Variants in TNPO3 observed in about 807,000 individuals in gnomAD.
TNPO3 encodes the protein transportin-3.
In TNPO3, 65 loss-of-function variants were observed where a neutral mutation model predicts 122.8. The observed-to-expected ratio is 0.53, with a 90% CI of 0.43 to 0.65. The LOEUF is 0.65. TNPO3 is among the 30% of genes least tolerant of loss of function. TNPO3 has a pLI of 0.00. For missense variants in TNPO3, 850 were observed against 1,136.7 expected (o/e 0.75, Z 3.63); for synonymous variants, 372 against 411.2 (o/e 0.90, Z 1.15).
intron 21 of TNPO3, among the ~76,000 whole-genome samples, chr7:128,958,179 T>C (rs1410625081): frequency 1.5e-5 from 2 of 133,332 alleles, no homozygotes; most frequent in East Asian, 2.3e-4. Context: ...GTCTTGCTCA[T>C]GTCATCCAGG....
intron 21 of TNPO3, among the ~76,000 whole-genome samples, chr7:128,961,864 T>C (rs1797490304): frequency 6.6e-6 from 1 of 152,188 alleles, no homozygotes; most frequent in Non-Finnish European, 1.5e-5. Flanking sequence ...ATGCTTCCCA[T>C]GTTCAACACC....
At chr7:128,965,654 T>TAGCAGGCTTACTCACAAC (rs1397933443) in intron 21 of TNPO3, among the ~76,000 whole-genome samples, 1 of 152,228 alleles carries the variant, frequency 6.6e-6, no homozygotes, top group African/African-American at 2.4e-5. Context: ...CCTGTGTTTA[T>TAGCAGGCTTACTCACAAC]AGCAGCCTTA....
At chr7:128,979,289 C>G (rs1458395881) in intron 15 of TNPO3, among the ~76,000 whole-genome samples, 166 bp from the exon 16 acceptor site, 1 of 152,242 alleles carries the variant, frequency 6.6e-6, no homozygotes, top group East Asian at 1.9e-4. Context: ...CTACCCACCA[C>G]AAAACCCTAT....
At chr7:129,034,914 A>C (rs1806425073) in intron 1 of TNPO3, among the ~76,000 whole-genome samples, 1 of 150,012 alleles carries the variant, frequency 6.7e-6, no homozygotes, top group African/African-American at 2.4e-5. Flanking sequence ...AAAAAAAAAA[A>C]GACCTGCCAG....
At chr7:129,040,788 A>G (rs745940219) in intron 1 of TNPO3, among the ~76,000 whole-genome samples, 4 of 152,172 alleles carry the variant, frequency 2.6e-5, no homozygotes, top group Admixed American at 6.5e-5. Context: ...ATCAAGTAGA[A>G]GCAAAAGGAA....
At chr7:128,970,813 G>C (rs1480619327) in intron 19 of TNPO3, 2 of 153,280 alleles carry the variant, frequency 1.3e-5, no homozygotes. Flanking sequence ...CAGTGTTCTG[G>C]GCTAGAGCAT....
chr7:129,015,285 C>T, intron 3 of TNPO3, 150 bp from the exon 4 acceptor site: 2 of 727,838 alleles, frequency 2.7e-6, no homozygotes, highest in Non-Finnish European at 4.4e-6. Flanking sequence ...TAAATGTCCT[C>T]CATAATTAGT....
intron 19 of TNPO3, 75 bp downstream of exon 19, chr7:128,972,351 G>A: frequency 6.7e-7 from 1 of 1,490,840 alleles, no homozygotes; most frequent in South Asian, 1.3e-5. Flanking sequence ...TGGGATGCTG[G>A]TTTTCTCCTA....
intron 1 of TNPO3, among the ~76,000 whole-genome samples, chr7:129,039,412 T>A (rs1807094919): frequency 1.3e-5 from 2 of 151,798 alleles, no homozygotes; most frequent in African/African-American, 4.8e-5. Context: ...AAATACAAAT[T>A]AGCTGGGCAT....
At chr7:128,978,950 TG>T in intron 16 of TNPO3, 32 bp downstream of exon 16, 1 of 1,611,458 alleles carries the variant, frequency 6.2e-7, no homozygotes, top group Non-Finnish European at 8.5e-7. Flanking sequence ...ATTCTGTACA[TG>T]GAACACGTCC....
intron 7 of TNPO3, 100 bp downstream of exon 7, chr7:129,000,329 A>C: frequency 7.8e-7 from 1 of 1,282,940 alleles, no homozygotes; most frequent in Non-Finnish European, 1.1e-6. Flanking sequence ...CAAGACTGTA[A>C]TTTCTCAACA....
At chr7:129,014,831 G>T in intron 4 of TNPO3, 148 bp downstream of exon 4, 1 of 670,972 alleles carries the variant, frequency 1.5e-6, no homozygotes, top group Non-Finnish European at 2.3e-6. Flanking sequence ...CTGAAAGTAT[G>T]TTGTCATGGT....
At chr7:129,051,146 A>T (rs1017852796) in intron 1 of TNPO3, among the ~76,000 whole-genome samples, 1 of 27,012 alleles carries the variant, frequency 3.7e-5, no homozygotes, top group South Asian at 2.8e-3. Flanking sequence ...ACAAAATGTT[A>T]AAAAAAAAAA....
At chr7:129,049,850 T>C (rs145303399) in intron 1 of TNPO3, among the ~76,000 whole-genome samples, 1 of 152,134 alleles carries the variant, frequency 6.6e-6, no homozygotes, top group African/African-American at 2.4e-5. Context: ...GGACAAACTA[T>C]TCATGTTGCA....
chr7:129,012,745 CT>C, intron 4 of TNPO3, among the ~76,000 whole-genome samples: 1 of 152,258 alleles, frequency 6.6e-6, no homozygotes, highest in Middle Eastern at 3.4e-3. Flanking sequence ...TTAGCATCTA[CT>C]TTAGGAACCA....
At chr7:128,985,031 T>C (rs1800002737) in intron 12 of TNPO3, among the ~76,000 whole-genome samples, 1 of 152,046 alleles carries the variant, frequency 6.6e-6, no homozygotes, top group Non-Finnish European at 1.5e-5. Flanking sequence ...TGAAACACCT[T>C]CCCCAAATCC....
intron 5 of TNPO3, among the ~76,000 whole-genome samples, chr7:129,003,816 T>A (rs1463043217): frequency 6.6e-6 from 1 of 152,198 alleles, no homozygotes; most frequent in African/African-American, 2.4e-5. Flanking sequence ...GTAGAGGAGA[T>A]AATATAATCC....
chr7:128,974,668 C>T (rs896115694), intron 18 of TNPO3, among the ~76,000 whole-genome samples, 200 bp downstream of exon 18: 2 of 152,126 alleles, frequency 1.3e-5, no homozygotes, highest in African/African-American at 4.8e-5. Context: ...GAACTCAGCT[C>T]CTTTATCCCT....
intron 1 of TNPO3, among the ~76,000 whole-genome samples, chr7:129,039,857 T>C (rs1279402463): frequency 6.6e-6 from 1 of 152,200 alleles, no homozygotes; most frequent in Non-Finnish European, 1.5e-5. Flanking sequence ...TTATATGAAA[T>C]ATCCAGAATA....
Sources: allele counts gnomAD v4.1 joint callset (sites outside exome capture counted in the v4.1 genomes callset), GRCh38; gene constraint gnomAD v4.1.1; transcripts MANE v1.5; gene names NCBI Gene and HGNC (gene_info 2026-07-23, HGNC 2026-07-21).